The following DTNBP1 variants were observed in gnomAD, a reference collection of about 807,000 sequenced individuals.
DTNBP1 encodes the protein dystrobrevin binding protein 1.
Under a neutral mutation model 42.8 loss-of-function variants are expected in DTNBP1, and 35 were observed. That is an observed-to-expected ratio of 0.82 (90% CI 0.63 to 1.09). The LOEUF (loss-of-function observed/expected upper bound fraction) is 1.09. Among genes scored for constraint, DTNBP1 ranks in the 50% least tolerant of loss-of-function variants. The pLI is 0.00. For synonymous variants in DTNBP1, 171 were observed against 162.2 expected (o/e 1.05, Z -0.41); for missense variants, 457 against 424.2 (o/e 1.08, Z -0.68).
intron 7 of DTNBP1, among the ~76,000 whole-genome samples, chr6:15,558,747 G>T (rs2113461750): frequency 6.6e-6 from 1 of 152,268 alleles, no homozygotes; most frequent in South Asian, 2.1e-4. Flanking sequence ...TACTTAAAAT[G>T]TTGCCCATCC....
chr6:15,651,424 A>C (rs1398127210), intron 2 of DTNBP1, 61 bp from the exon 3 acceptor site: 1 of 1,548,730 alleles, frequency 6.5e-7, no homozygotes, highest in South Asian at 1.2e-5. Context: ...AAAAAAAAAA[A>C]GGTACATACA....
intron 7 of DTNBP1, among the ~76,000 whole-genome samples, chr6:15,564,644 G>A (rs1314656772): frequency 6.6e-6 from 1 of 152,178 alleles, no homozygotes; most frequent in African/African-American, 2.4e-5. Flanking sequence ...CTGACCTCAG[G>A]TGATCTTTCC....
chr6:15,613,357 ATTTTTTT>A lies in DTNBP1; in HGVS notation c.488+1903_488+1909del, dbSNP rs1184227291. Among the ~76,000 whole-genome samples, 3 of 24,306 alleles carry A rather than the reference ATTTTTTT, an allele frequency of 1.2e-4. 1 individual carries two copies. Among genetic ancestry groups the A allele is most frequent in the African/African-American group, 2.6e-4 (2 of 7,714 alleles). 15.9% of individuals were successfully genotyped at this position (24,306 alleles called of 152,430 possible). ...ATGCCCCTTTTTTGACACGGACCCC[ATTTTTTT>A]TTTTTTTTTTTTTTTTTTTTGAGAC... On this transcript the variant is annotated intron_variant, in intron 6 of 9. Transcript: ENST00000344537.
intron 7 of DTNBP1, chr6:15,546,180 C>T (rs534650483): frequency 4.2e-4 from 143 of 337,508 alleles, no homozygotes; most frequent in South Asian, 3.3e-3. Flanking sequence ...ATTCTCCTGC[C>T]TCAGCCTCCT....
intron 4 of DTNBP1, among the ~76,000 whole-genome samples, chr6:15,631,883 C>G (rs1053685201): frequency 1.3e-5 from 2 of 152,170 alleles, no homozygotes; most frequent in African/African-American, 4.8e-5. Flanking sequence ...CTCCCAAGTT[C>G]TAGTTGTTTA....
intron 6 of DTNBP1, among the ~76,000 whole-genome samples, chr6:15,599,011 A>T (rs188168941): frequency 5.9e-5 from 9 of 152,282 alleles, no homozygotes; most frequent in African/African-American, 2.2e-4. Context: ...TCTGAAGGAT[A>T]TGGTAACAAA....
At chr6:15,563,890 A>G (rs1420035928) in intron 7 of DTNBP1, among the ~76,000 whole-genome samples, 5 of 152,128 alleles carry the variant, frequency 3.3e-5, no homozygotes, top group African/African-American at 1.2e-4. Flanking sequence ...CCTGACCAAC[A>G]TGGTGAAACC....
chr6:15,608,885 G>T (rs1758227565), intron 6 of DTNBP1, among the ~76,000 whole-genome samples: 2 of 152,128 alleles, frequency 1.3e-5, no homozygotes, highest in Non-Finnish European at 2.9e-5. Flanking sequence ...ACAAAAATAT[G>T]TATTTGACAA....
intron 3 of DTNBP1, among the ~76,000 whole-genome samples, chr6:15,647,238 T>C (rs1288502088): frequency 2.0e-5 from 3 of 151,502 alleles, no homozygotes; most frequent in Admixed American, 2.0e-4. Context: ...CCAACAAAGA[T>C]GAAAAAAATG....
intron 7 of DTNBP1, chr6:15,585,603 C>A: frequency 3.4e-6 from 4 of 1,191,456 alleles, no homozygotes; most frequent in South Asian, 2.4e-5. Context: ...TTAATTTCTG[C>A]TTTTTAATAA....
chr6:15,660,638 A>G, intron 1 of DTNBP1: 2 of 984,514 alleles, frequency 2.0e-6, no homozygotes, highest in Non-Finnish European at 2.8e-6. Context: ...AGGGGTTCTA[A>G]CTAGATCCCT....
chr6:15,653,984 T>C (rs1761151935), intron 1 of DTNBP1, among the ~76,000 whole-genome samples: 1 of 152,228 alleles, frequency 6.6e-6, no homozygotes, highest in Admixed American at 6.5e-5. Flanking sequence ...TTTCTGTCTA[T>C]AACGTCTGAT....
At chr6:15,525,527 C>G (rs1446258997) in intron 8 of DTNBP1, among the ~76,000 whole-genome samples, 1 of 152,186 alleles carries the variant, frequency 6.6e-6, no homozygotes, top group Non-Finnish European at 1.5e-5. Flanking sequence ...ATCATCCTCG[C>G]TGAAGAATAT....
chr6:15,578,616 C>T (rs1775684634), intron 7 of DTNBP1, among the ~76,000 whole-genome samples: 1 of 152,014 alleles, frequency 6.6e-6, no homozygotes, highest in South Asian at 2.1e-4. Flanking sequence ...TCATTTCATG[C>T]TGTAAATCAA....
At chr6:15,579,952 G>A (rs771136673) in intron 7 of DTNBP1, 13 of 272,460 alleles carry the variant, frequency 4.8e-5, no homozygotes, top group Non-Finnish European at 9.3e-5. Context: ...ACACAAATAT[G>A]TACAATTATG....
Position 15,527,733 on chromosome 6 carries a change from G to A in DTNBP1, c.668-3064C>T, listed in dbSNP as rs147399149. Among the ~76,000 whole-genome samples the A allele has an allele frequency of 3.2e-3, 494 of 152,236 alleles. 1 individual carries two copies. Among genetic ancestry groups the A allele is most frequent in the Non-Finnish European group, 5.1e-3 (348 of 68,010 alleles). Reference sequence around the variant, plus strand: ...GGTTATGTTCTGGGTAAGACTCATCGTAAATAGAGATGAAAGGAATAAAAG... The same window carrying A: ...GGTTATGTTCTGGGTAAGACTCATCATAAATAGAGATGAAAGGAATAAAAG... On this transcript the variant is annotated intron_variant, in intron 8 of 9. Transcript: ENST00000344537.
At chr6:15,610,281 C>A (rs1758318805) in intron 6 of DTNBP1, among the ~76,000 whole-genome samples, 1 of 152,166 alleles carries the variant, frequency 6.6e-6, no homozygotes, top group African/African-American at 2.4e-5. Flanking sequence ...TACACACCAG[C>A]ACATATTGTT....
rs57981180 is a variant in DTNBP1 at position 15,617,119 on chromosome 6, C to T, written c.356-1720G>A. ...GCTCACACCTGTAATCTCAGCACTT[C>T]GGGAGGCTGAGGCAGGAGGATTGCT... On this transcript the variant is annotated intron_variant, in intron 5 of 9. Transcript: ENST00000344537. Among the ~76,000 whole-genome samples the T allele has an allele frequency of 7.3e-3, 1,111 of 152,010 alleles. 20 individuals carry two copies. Among genetic ancestry groups the T allele is most frequent in the African/African-American group, 0.025 (1,046 of 41,462 alleles).
intron 7 of DTNBP1, among the ~76,000 whole-genome samples, chr6:15,567,211 T>C (rs1775132444): frequency 6.6e-6 from 1 of 151,884 alleles, no homozygotes; most frequent in Non-Finnish European, 1.5e-5. Flanking sequence ...TCTCAACACT[T>C]TGGGAGGCTT....
Sources: gnomAD v4.1 joint callset for allele counts (sites outside exome capture counted in the v4.1 genomes callset) on GRCh38, gnomAD v4.1.1 for gene constraint, MANE v1.5 for transcripts, NCBI Gene and HGNC (gene_info 2026-07-23, HGNC 2026-07-21) for gene names.